EPX: variants seen among roughly 807,000 people sequenced by gnomAD.
The protein encoded by EPX is eosinophil peroxidase.
EPX carries 60 observed loss-of-function variants against 73.0 expected under a neutral mutation model. That is an observed-to-expected ratio of 0.82 (90% CI 0.67 to 1.02). The LOEUF is 1.02. Among genes scored for constraint, EPX ranks in the 50% least tolerant of loss-of-function variants. EPX has a pLI of 0.00. For synonymous variants in EPX, 347 were observed against 389.2 expected, an observed-to-expected ratio of 0.89 and a Z score of 1.28; for missense variants, 950 against 973.9, an observed-to-expected ratio of 0.98 and a Z score of 0.33.
In EPX at chr17:58,196,944, A is replaced by T; in HGVS notation, c.807A>T (p.Pro269=). 1 of 1,613,472 alleles carries T rather than the reference A, an allele frequency of 6.2e-7. No homozygotes were observed. Among genetic ancestry groups the T allele is most frequent in the Non-Finnish European group, 8.5e-7 (1 of 1,179,872 alleles). ...TGTCTCCTCTTCCATCTCAGATCCC[A>T]CCCAATGACCCCCGCATCAAGAACC... The part of the protein sequence containing the change: ...QLPPCFPIKI[P]PNDPRIKNQR... Residue 269 remains proline, a synonymous_variant, in exon 7 of 13, where the codon CCA becomes CCT. Coordinates refer to ENST00000225371, the MANE Select transcript of EPX (RefSeq NM_000502.6).
chr17:58,204,220 A>G lies in EPX; in HGVS notation c.1947-2A>G, dbSNP rs1433187692. On this transcript the variant is annotated splice_acceptor_variant, in intron 11 of 12. Transcript: ENST00000225371. LOFTEE classifies it high-confidence loss of function. ...CACCCACATCTCTCGACTGCCTGGT[A>G]GGTTCTGGTGGCAGAAACGAGGTGT... 3.7e-6 allele frequency: 6 copies of G among 1,612,404 alleles called. No homozygotes were observed. Among genetic ancestry groups the G allele is most frequent in the Non-Finnish European group, 5.1e-6 (6 of 1,178,408 alleles).
At chr17:58,204,178 A>G (rs1192465859) in intron 11 of EPX, 44 bp from the exon 12 acceptor site, 1 of 1,356,658 alleles carries the variant, frequency 7.4e-7, no homozygotes, top group African/African-American at 1.4e-5. Flanking sequence ...ATTATAAGGT[A>G]ATTCCTCCCC....
intron 10 of EPX, chr17:58,202,221 G>C (rs958746865): frequency 6.6e-6 from 1 of 152,386 alleles, no homozygotes; most frequent in Non-Finnish European, 1.5e-5. Context: ...TGTGTGAGCT[G>C]TAGTTCAATG....
In EPX at chr17:58,199,080, G is replaced by T. The variant is rs557007012; in HGVS notation, c.1161G>T (p.Met387Ile). 4 of 1,614,104 alleles carry T rather than the reference G, an allele frequency of 2.5e-6. No homozygotes were observed. In the South Asian group the frequency reaches 3.3e-5, roughly 13 times the overall value. The change falls in exon 8 of 13, where the codon ATG (methionine) becomes ATT (isoleucine). Residue 387 changes from methionine to isoleucine, a missense_variant. Met to Ile is a conservative substitution (Grantham distance 10). Transcript: ENST00000225371. Reference protein sequence around the residue: ...RSTETPKLAAMHTLFMREHNR... With the variant: ...RSTETPKLAAIHTLFMREHNR... Reference sequence around the variant, plus strand: ...CGGAAACCCCCAAACTGGCAGCCATGCACACCCTCTTTATGCGAGAGCACA... The same window carrying T: ...CGGAAACCCCCAAACTGGCAGCCATTCACACCCTCTTTATGCGAGAGCACA...
At chr17:58,202,594 C>G (rs1266793165) in intron 10 of EPX, 2 of 243,452 alleles carry the variant, frequency 8.2e-6, no homozygotes, top group East Asian at 1.9e-4. Context: ...TTGACCTATG[C>G]AGGACCTCTC....
chr17:58,201,075 T>C (rs1048955819), intron 10 of EPX, among the ~76,000 whole-genome samples: 3 of 152,248 alleles, frequency 2.0e-5, no homozygotes, highest in Non-Finnish European at 4.4e-5. Context: ...AATTTAAATT[T>C]ACAATTTCTC....
At chr17:58,195,901 A>G (rs1968248360) in intron 6 of EPX, among the ~76,000 whole-genome samples, 1 of 151,398 alleles carries the variant, frequency 6.6e-6, no homozygotes, top group African/African-American at 2.4e-5. Context: ...TTCCTATTAC[A>G]CTTTTAACAT....
chr17:58,202,149 C>G (rs968980992), intron 10 of EPX, among the ~76,000 whole-genome samples: 30 of 152,148 alleles, frequency 2.0e-4, no homozygotes, highest in Admixed American at 6.5e-5. Flanking sequence ...GATATTCACC[C>G]AATAGTGCTC....
chr17:58,192,790 TC>T lies in EPX; in HGVS notation c.-54del. ...AAAGTGAGAGGGGAGCAGAGGATCCTCCCGTGCAGGCTGTGGATGTCACTCA... is the reference window on the plus strand; with the variant it reads ...AAAGTGAGAGGGGAGCAGAGGATCCTCCGTGCAGGCTGTGGATGTCACTCA... On this transcript the variant is annotated 5_prime_UTR_variant, in exon 1 of 13. Coordinates refer to ENST00000225371, the MANE Select transcript of EPX (RefSeq NM_000502.6). 6.8e-7 allele frequency: 1 copy of T among 1,472,298 alleles called. No individual in the cohort carries two copies. The highest frequency in any genetic ancestry group is 1.2e-5 in the South Asian group (1 of 85,566). The allele number at this position is 1,472,298 out of a possible 1,614,324, so 91.2% of individuals were successfully genotyped here.
Position 58,196,879 on chromosome 17 carries a change from G to A in EPX, c.802-60G>A, listed in dbSNP as rs572786904. 5.6e-5 allele frequency: 73 copies of A among 1,305,182 alleles called. No homozygotes were observed. The East Asian group carries it at 1.3e-3, about 23-fold the overall frequency. The allele number at this position is 1,305,182 out of a possible 1,614,324, so 80.9% of individuals were successfully genotyped here. A position where few individuals can be genotyped will look rare whatever the true frequency, so the allele number is the denominator to read the frequency against. On this transcript the variant is annotated intron_variant, in intron 6 of 12. Transcript: ENST00000225371. ...AGGTTTTGAGGAGGTGGAAGATGACGGAGAGGAGTGAGTCTGCTATTGAGG... is the reference window on the plus strand; with the variant it reads ...AGGTTTTGAGGAGGTGGAAGATGACAGAGAGGAGTGAGTCTGCTATTGAGG...
rs754331816 is a variant in EPX at position 58,199,742 on chromosome 17, G to A, written c.1485G>A (p.Ser495=). 14 of 1,613,808 alleles carry A rather than the reference G, an allele frequency of 8.7e-6. No individual in the cohort carries two copies. The highest frequency in any genetic ancestry group is 1.7e-5 in the Admixed American group (1 of 59,992). ...AGTACCGGGCCTCCGCACCCAACTCGCATGTCCCACTTAGCTCTGCCTTCT... is the reference window on the plus strand; with the variant it reads ...AGTACCGGGCCTCCGCACCCAACTCACATGTCCCACTTAGCTCTGCCTTCT... The part of the protein sequence containing the change: ...DSQYRASAPN[S]HVPLSSAFFA... The change falls in exon 9 of 13, where the codon TCG becomes TCA. Residue 495 remains serine, a synonymous_variant. Coordinates refer to ENST00000225371, the MANE Select transcript of EPX (RefSeq NM_000502.6).
chr17:58,195,598 C>T (rs1968244680), intron 6 of EPX, among the ~76,000 whole-genome samples: 1 of 152,136 alleles, frequency 6.6e-6, no homozygotes, highest in Non-Finnish European at 1.5e-5. Context: ...AGGCTAGAAG[C>T]CAAGGACAGT....
chr17:58,193,926 C>T lies in EPX; in HGVS notation c.465-37C>T, dbSNP rs1205216205. On this transcript the variant is annotated intron_variant, in intron 4 of 12. Coordinates refer to ENST00000225371, the MANE Select transcript of EPX (RefSeq NM_000502.6). The stretch of plus-strand genomic sequence containing the variant: ...CCTCCATGCTGAGCCATCTCCAGGC[C>T]CTGCCCCCTGCTAACCTATCCCACC... 7 of 1,612,460 alleles carry T rather than the reference C, an allele frequency of 4.3e-6. No individual in the cohort carries two copies. In the East Asian group the frequency reaches 1.1e-4, roughly 26 times the overall value.
In EPX at chr17:58,197,096, C is replaced by T; in HGVS notation, c.959C>T (p.Ser320Phe). The change falls in exon 7 of 13, where the codon TCC (serine) becomes TTC (phenylalanine). Residue 320 changes from serine to phenylalanine, a missense_variant. Transcript: ENST00000225371. ...AGCATGGTGTATGGCAGTGAGGTCT[C>T]CCTCTCGCTGCGGCTCCGCAACCGG... is the stretch of plus-strand genomic sequence containing the variant. ...DASMVYGSEVSLSLRLRNRTN... is the reference protein window; with the variant it reads ...DASMVYGSEVFLSLRLRNRTN... 1.2e-6 allele frequency: 2 copies of T among 1,614,218 alleles called. No individual in the cohort carries two copies. The highest frequency in any genetic ancestry group is 1.7e-6 in the Non-Finnish European group (2 of 1,180,036).
chr17:58,194,210 T>G, intron 5 of EPX, 118 bp downstream of exon 5: 1 of 1,017,922 alleles, frequency 9.8e-7, no homozygotes, highest in South Asian at 1.4e-5. Flanking sequence ...ACCAGTGCAG[T>G]GACTTGAGGC....
chr17:58,195,564 G>C (rs1041711773), intron 6 of EPX, among the ~76,000 whole-genome samples: 4 of 152,162 alleles, frequency 2.6e-5, no homozygotes, highest in Non-Finnish European at 5.9e-5. Context: ...TTGGGCTTGG[G>C]CTGTAAGTAG....
chr17:58,197,277 G>C lies in EPX; in HGVS notation c.1120+20G>C. 2 of 1,608,390 alleles carry C rather than the reference G, an allele frequency of 1.2e-6. No individual in the cohort carries two copies. Among genetic ancestry groups the C allele is most frequent in the Non-Finnish European group, 1.7e-6 (2 of 1,179,804 alleles). On this transcript the variant is annotated intron_variant, in intron 7 of 12. Coordinates refer to ENST00000225371, the MANE Select transcript of EPX (RefSeq NM_000502.6). ...TGGCAGGTCAGACAGGGAGGAAGGT[G>C]GTGTCTTCCCAGGAAACAGCCATCC...
intron 10 of EPX, among the ~76,000 whole-genome samples, chr17:58,201,462 T>C (rs1170944142): frequency 6.6e-6 from 1 of 152,192 alleles, no homozygotes; most frequent in Non-Finnish European, 1.5e-5. Flanking sequence ...CAGGTATTTA[T>C]TTCCAGCATA....
At chr17:58,201,821 A>C (rs977395161) in intron 10 of EPX, among the ~76,000 whole-genome samples, 1 of 152,038 alleles carries the variant, frequency 6.6e-6, no homozygotes, top group Non-Finnish European at 1.5e-5. Flanking sequence ...AGTTTGGACT[A>C]ACATTCTTGC....
Sources: gnomAD v4.1 joint callset for allele counts (sites outside exome capture counted in the v4.1 genomes callset) on GRCh38, gnomAD v4.1.1 for gene constraint, MANE v1.5 for transcripts, NCBI Gene and HGNC (gene_info 2026-07-23, HGNC 2026-07-21) for gene names.